TTN: variants seen among roughly 807,000 people sequenced by gnomAD.
The protein encoded by TTN is connectin.
A neutral mutation model predicts 3,223.0 loss-of-function variants in TTN; 1,525 were observed. The ratio of observed to expected loss-of-function variants is 0.47; its 90% CI spans 0.45 to 0.49. TTN has a LOEUF of 0.49. Among genes scored for constraint, TTN ranks in the 20% least tolerant of loss-of-function variants. The pLI is 0.00. For missense variants in TTN, 40,786 were observed against 43,424.0 expected, an observed-to-expected ratio of 0.94 and a Z score of 5.40; for synonymous variants, 14,094 against 15,161.0, an observed-to-expected ratio of 0.93 and a Z score of 5.17.
rs772479207 is a variant in TTN at position 178,777,914 on chromosome 2, G to A, written c.4270C>T (p.Pro1424Ser). The A allele has an allele frequency of 2.5e-5, 40 of 1,613,798 alleles. No individual in the cohort carries two copies. Among genetic ancestry groups the A allele is most frequent in the Admixed American group, 1.2e-4 (7 of 59,964 alleles). The change falls in exon 25 of 363, where the codon CCT (proline) becomes TCT (serine). Residue 1424 changes from proline to serine, a missense_variant. By Grantham distance (74) the Pro-to-Ser change is moderately conservative. Transcript: ENST00000589042. ...PIRMSPARMS[P>S]ARMSPARMSP... Reference sequence around the variant, plus strand: ...ATCCGTGCAGGAGACATCCTTGCAGGTGACATCCGTGCAGGAGACATGCGT... The same window carrying A: ...ATCCGTGCAGGAGACATCCTTGCAGATGACATCCGTGCAGGAGACATGCGT...
chr2:178,787,123 G>A lies in TTN; in HGVS notation c.2077-982C>T, dbSNP rs1368076213. ...GATTGGAAAATTTTATTAATATTCA[G>A]TTTTCTATACCTGTGAATAGAATCT... On this transcript the variant is annotated intron_variant, in intron 13 of 362. Transcript: ENST00000589042. 4.6e-5 allele frequency among the ~76,000 whole-genome samples: 7 copies of A among 151,992 alleles called. No homozygotes were observed. The East Asian group carries it at 1.4e-3, about 29-fold the overall frequency.
rs587782988 is a variant in TTN, at chr2:178,595,498, TTTAC to T, written c.57847+5_57847+8del. 1.9e-6 allele frequency: 3 copies of T among 1,545,684 alleles called. No individual in the cohort carries two copies. The highest frequency in any genetic ancestry group is 2.6e-6 in the Non-Finnish European group (3 of 1,145,424). ...GTGATTAAGTATACATTTTTTTTTT[TTTAC>T]TTACTTATTGGCTCTCTGATAACAA... On this transcript the variant is annotated splice_donor_5th_base_variant and intron_variant, in intron 295 of 362. Transcript: ENST00000589042.
At position 178,745,518 on chromosome 2, in the gene TTN, T is replaced by A; in HGVS notation, c.11312-3597A>T. On this transcript the variant is annotated intron_variant, in intron 47 of 362. Transcript: ENST00000589042. The stretch of plus-strand genomic sequence containing the variant: ...TGTTTGGAAGTTTATTAGATCCACA[T>A]AATTTGGAAAATATGAAAGCACTCA... 4.4e-6 allele frequency: 7 copies of A among 1,593,630 alleles called. No homozygotes were observed. In the South Asian group the frequency reaches 7.9e-5, roughly 18 times the overall value.
At position 178,725,981 on chromosome 2, in the gene TTN, C is replaced by T. The variant is rs72648958; in HGVS notation, c.20341G>A (p.Glu6781Lys). The change falls in exon 70 of 363, where the codon GAA becomes AAA. Residue 6781 changes from glutamate (E) to lysine (K), a missense_variant. Transcript: ENST00000589042. Reference sequence around the variant, plus strand: ...GGTGGTGTTCCCGAAAGTTCACATTCAAGACTGACTTCAGCATTTTTAAGG... The same window carrying T: ...GGTGGTGTTCCCGAAAGTTCACATTTAAGACTGACTTCAGCATTTTTAAGG... ...ETLKNAEVSL[E>K]CELSGTPPFE... 2.1e-3 allele frequency: 3,370 copies of T among 1,607,984 alleles called. 8 individuals are homozygous for T. The highest frequency in any genetic ancestry group is 2.6e-3 in the Non-Finnish European group (3,081 of 1,176,592).
intron 120 of TTN, 143 bp downstream of exon 120, chr2:178,692,354 A>G (rs1343453586): frequency 1.1e-6 from 1 of 926,194 alleles, no homozygotes; most frequent in Non-Finnish European, 1.7e-6. Context: ...ATAACACATC[A>G]CCACAAATAA....
At position 178,537,888 on chromosome 2, in the gene TTN, T is replaced by C; in HGVS notation, c.99319A>G (p.Met33107Val). The C allele has an allele frequency of 2.5e-6, 4 of 1,612,214 alleles. No homozygotes were observed. The highest frequency in any genetic ancestry group is 3.4e-6 in the Non-Finnish European group (4 of 1,178,760). The change falls in exon 355 of 363, where the codon ATG becomes GTG. Residue 33107 changes from methionine (M) to valine (V), a missense_variant. By Grantham distance (21) the Met-to-Val change is conservative (BLOSUM62 1). Coordinates refer to ENST00000589042, the MANE Select transcript of TTN (RefSeq NM_001267550.2). The stretch of plus-strand genomic sequence containing the variant: ...CCCAATTTTGTGGTAACATCCTTCA[T>C]TTCTTTGCGTATTCCTGGGGCCTCT... ...SGEAPGIRKE[M>V]KDVTTKLGEA...
chr2:178,541,757 A>G lies in TTN; in HGVS notation c.97493-173T>C, dbSNP rs552112067. The G allele has an allele frequency of 7.3e-3, 2,734 of 376,936 alleles. 15 individuals carry two copies. The highest frequency in any genetic ancestry group is 0.01 in the Non-Finnish European group (2,357 of 233,792). 23.3% of individuals were successfully genotyped at this position (376,936 alleles called of 1,614,324 possible). On this transcript the variant is annotated intron_variant, in intron 349 of 362. Transcript: ENST00000589042. ...CTATTTGTAAATTTTAATTTAAATCATTTAATTATTTAATTATTTTTATTA... is the reference window on the plus strand; with the variant it reads ...CTATTTGTAAATTTTAATTTAAATCGTTTAATTATTTAATTATTTTTATTA...
intron 17 of TTN, among the ~76,000 whole-genome samples, chr2:178,783,282 C>T (rs2092932955): frequency 6.6e-6 from 1 of 152,140 alleles, no homozygotes; most frequent in African/African-American, 2.4e-5. Flanking sequence ...GCTACCTATT[C>T]AACAAAGCTT....
rs749940464 is a variant in TTN, at chr2:178,733,903, A to C, written c.15497-11T>G. On this transcript the variant is annotated splice_polypyrimidine_tract_variant and intron_variant, in intron 52 of 362. Transcript: ENST00000589042. ...CAAAGGTTGGAGGTTCTAGTTAAGG[A>C]AAGAGAGCATATAAAACATATCAAT... The C allele has an allele frequency of 2.1e-5, 33 of 1,574,288 alleles. No individual in the cohort carries two copies. Among genetic ancestry groups the C allele is most frequent in the Non-Finnish European group, 2.8e-5 (32 of 1,158,994 alleles).
In TTN at chr2:178,677,130, A is replaced by G. The variant is rs569077241; in HGVS notation, c.34378+71T>C. The G allele has an allele frequency of 5.8e-6, 6 of 1,027,924 alleles. No individual in the cohort carries two copies. The Admixed American group carries it at 2.7e-4, about 47-fold the overall frequency. 63.7% of individuals were successfully genotyped at this position (1,027,924 alleles called of 1,614,324 possible). A position where few individuals can be genotyped will look rare whatever the true frequency, so the allele number is the denominator to read the frequency against. ...ATTTTGTAAATATAATTTTCCTAAA[A>G]CCCAGTTTCATCATAATTTATGTGA... is the stretch of plus-strand genomic sequence containing the variant. On this transcript the variant is annotated intron_variant, in intron 147 of 362. Transcript: ENST00000589042.
At position 178,526,879 on chromosome 2, in the gene TTN, G is replaced by T; in HGVS notation, c.*133C>A. On this transcript the variant is annotated 3_prime_UTR_variant, in exon 363 of 363. Transcript: ENST00000589042. ...TGAAAAGATTGAAATGAATATTTTT[G>T]AACTTTGACTCATTTAGGTTGATAC... 2 of 746,626 alleles carry T rather than the reference G, an allele frequency of 2.7e-6. No individual in the cohort carries two copies. The highest frequency in any genetic ancestry group is 4.1e-6 in the Non-Finnish European group (2 of 488,488). 46.3% of individuals were successfully genotyped at this position (746,626 alleles called of 1,614,324 possible).
intron 28 of TTN, 61 bp from the exon 29 acceptor site, chr2:178,775,263 C>A: frequency 6.2e-7 from 1 of 1,612,498 alleles, no homozygotes; most frequent in East Asian, 2.2e-5. Context: ...AATTCTCAAC[C>A]TGAGGAATGG....
At chr2:178,719,871 C>T (rs1377538168) in intron 81 of TTN, 39 bp from the exon 82 acceptor site, 2 of 1,569,630 alleles carry the variant, frequency 1.3e-6, no homozygotes, top group Non-Finnish European at 1.7e-6. Flanking sequence ...ACAAAGTAAC[C>T]TTTCAAACTC....
chr2:178,599,184 G>A lies in TTN; in HGVS notation c.56609C>T (p.Pro18870Leu), dbSNP rs755909878. 1.3e-6 allele frequency: 2 copies of A among 1,511,136 alleles called. No homozygotes were observed. The highest frequency in any genetic ancestry group is 2.3e-5 in the Admixed American group (1 of 43,234). The allele number at this position is 1,511,136 out of a possible 1,614,324, so 93.6% of individuals were successfully genotyped here. The change falls in exon 290 of 363, where the codon CCT (proline) becomes CTT (leucine). Residue 18870 changes from proline to leucine, a missense_variant. Transcript: ENST00000589042. ...MAQNKYGIGE[P>L]LDSEPETARN... ...TGCTGTTTCAGGTTCACTGTCAAGAGGTTCTCCAATGCCATATTTATTCTG... is the reference window on the plus strand; with the variant it reads ...TGCTGTTTCAGGTTCACTGTCAAGAAGTTCTCCAATGCCATATTTATTCTG...
Position 178,575,606 on chromosome 2 carries a change from A to C in TTN, c.70526T>G (p.Val23509Gly), listed in dbSNP as rs926271333. 6.2e-7 allele frequency: 1 copy of C among 1,613,376 alleles called. No individual in the cohort carries two copies. Among genetic ancestry groups the C allele is most frequent in the Non-Finnish European group, 8.5e-7 (1 of 1,179,614 alleles). ...LSEGCEYFFR[V>G]MAENEYGIGE... is the part of the protein sequence containing the mutation. ...AATTCCATATTCATTCTCTGCCATC[A>C]CTCTGAAGAAATATTCACACCCTTC... The change falls in exon 326 of 363, where the codon GTG (valine) becomes GGG (glycine). Residue 23509 changes from valine (V) to glycine (G), a missense_variant. Coordinates refer to ENST00000589042, the MANE Select transcript of TTN (RefSeq NM_001267550.2). The surrounding 1 kb of genome is among the most constrained non-coding windows in gnomAD (Gnocchi z 4.0).
At chr2:178,800,327 G>C (rs1277493668) in intron 4 of TTN, 68 bp downstream of exon 4, 3 of 1,598,084 alleles carry the variant, frequency 1.9e-6, no homozygotes, top group East Asian at 4.5e-5. Flanking sequence ...GCAAGTGGAC[G>C]CTTGGCCCCA....
chr2:178,799,992 G>A, intron 4 of TTN, 82 bp from the exon 5 acceptor site: 1 of 1,470,348 alleles, frequency 6.8e-7, no homozygotes, highest in Admixed American at 1.8e-5. Context: ...TGACTACAAA[G>A]TCAAAAAGAT....
At position 178,608,855 on chromosome 2, in the gene TTN, C is replaced by T. The variant is rs1250473011; in HGVS notation, c.52156G>A (p.Val17386Ile). 6.2e-7 allele frequency: 1 copy of T among 1,611,898 alleles called. No individual in the cohort carries two copies. Among genetic ancestry groups the T allele is most frequent in the Non-Finnish European group, 8.5e-7 (1 of 1,179,214 alleles). ...FVFEDIRKTS[V>I]LCKWEPPLDD... Reference sequence around the variant, plus strand: ...AGGGGTGGTTCCCATTTACAAAGGACTGAGGTCTTTCTGATATCTTCAAAT... The same window carrying T: ...AGGGGTGGTTCCCATTTACAAAGGATTGAGGTCTTTCTGATATCTTCAAAT... Residue 17386 changes from valine to isoleucine, a missense_variant, in exon 274 of 363, where the codon GTC (valine) becomes ATC (isoleucine). By Grantham distance (29) the Val-to-Ile change is conservative. Transcript: ENST00000589042.
rs761848100 is a variant in TTN, at chr2:178,750,656, C to T, written c.11311+2468G>A. ...CTGTTCGGTTTTGAATTCATCAATT[C>T]GTGTAGAAGCAGAGAGTTGTAATTC... On this transcript the variant is annotated intron_variant, in intron 47 of 362. Transcript: ENST00000589042. The T allele has an allele frequency of 9.3e-6, 15 of 1,612,510 alleles. No homozygotes were observed. The African/African-American group carries it at 1.5e-4, about 16-fold the overall frequency.
Sources: allele counts gnomAD v4.1 joint callset (sites outside exome capture counted in the v4.1 genomes callset), GRCh38; gene constraint gnomAD v4.1.1; non-coding constraint Gnocchi (gnomAD v3.1); transcripts MANE v1.5; gene names NCBI Gene and HGNC (gene_info 2026-07-23, HGNC 2026-07-21).